The following CCDC122 variants were observed in gnomAD, a reference collection of about 807,000 sequenced individuals.
CCDC122 encodes coiled-coil domain containing 122.
CCDC122 carries 38 observed loss-of-function variants against 37.0 expected under a neutral mutation model. The ratio of observed to expected loss-of-function variants is 1.03; its 90% CI spans 0.79 to 1.35. CCDC122 has a LOEUF of 1.35. Among genes scored for constraint, CCDC122 ranks in the 40% most tolerant of loss-of-function variants. CCDC122 has a pLI of 0.00. For synonymous variants in CCDC122, 83 were observed against 95.6 expected (o/e 0.87, Z 0.77); for missense variants, 305 against 310.0 (o/e 0.98, Z 0.12).
At chr13:43,833,432 G>A (rs1032088899), downstream of CCDC122, among the ~76,000 whole-genome samples, 11 of 152,190 alleles carry the variant, frequency 7.2e-5, no homozygotes, top group African/African-American at 2.4e-4. Flanking sequence ...CTTTGCAGAA[G>A]ACTCAGTATT....
At chr13:43,821,319 G>C (rs1226319061), downstream of CCDC122, among the ~76,000 whole-genome samples, 2 of 152,202 alleles carry the variant, frequency 1.3e-5, no homozygotes, top group Non-Finnish European at 2.9e-5. Context: ...CACCTCCCAA[G>C]TTTAAGCTGT....
At chr13:43,871,348 T>C (rs1185203367) in intron 2 of CCDC122, among the ~76,000 whole-genome samples, 2 of 151,780 alleles carry the variant, frequency 1.3e-5, no homozygotes, top group South Asian at 2.1e-4. Flanking sequence ...ATCCAATGAG[T>C]TCTTCATGCT....
intron 6 of CCDC122, among the ~76,000 whole-genome samples, chr13:43,841,689 T>A (rs1015795481): frequency 1.3e-5 from 2 of 152,176 alleles, no homozygotes; most frequent in Non-Finnish European, 2.9e-5. Flanking sequence ...TTTACTTTTG[T>A]GATTCTGTCT....
chr13:43,838,478 T>C (rs1953235877), intron 6 of CCDC122, among the ~76,000 whole-genome samples: 1 of 152,116 alleles, frequency 6.6e-6, no homozygotes, highest in Admixed American at 6.6e-5. Flanking sequence ...GAACACCCAA[T>C]CTTCTTAAAA....
chr13:43,846,576 T>G (rs1031349131), intron 6 of CCDC122, among the ~76,000 whole-genome samples: 2 of 152,214 alleles, frequency 1.3e-5, no homozygotes, highest in Non-Finnish European at 2.9e-5. Context: ...TGTCCTTAGA[T>G]CTAGGTCTTG....
In CCDC122 at chr13:43,824,370, C is replaced by T. The variant is rs146056074; in HGVS notation, n.602-359G>A. ...TATGCCACATAAGTTGTGATAGAAA[C>T]GGAACTCCTACCTTTCACTACATAC... On this transcript the variant is annotated intron_variant and non_coding_transcript_variant, in intron 3 of 3. Coordinates refer to the CCDC122 transcript ENST00000470137. Among the ~76,000 whole-genome samples the T allele has an allele frequency of 1.1e-4, 16 of 152,230 alleles. No homozygotes were observed. In the East Asian group the frequency reaches 2.1e-3, roughly 20 times the overall value.
At chr13:43,820,838 G>T (rs1236912993), downstream of CCDC122, among the ~76,000 whole-genome samples, 1 of 152,136 alleles carries the variant, frequency 6.6e-6, no homozygotes, top group East Asian at 1.9e-4. Context: ...CACAGTAAAG[G>T]TCCAGTACAC....
intron 3 of CCDC122, among the ~76,000 whole-genome samples, chr13:43,828,794 G>T (rs2097139964): frequency 6.6e-6 from 1 of 152,064 alleles, no homozygotes; most frequent in Admixed American, 6.6e-5. Flanking sequence ...AATAAATTTA[G>T]TTCTTTAAAA....
chr13:43,874,747 GAC>G lies in CCDC122; in HGVS notation c.-114+93_-114+94del, dbSNP rs1181044848. On this transcript the variant is annotated intron_variant, in intron 2 of 6. Coordinates refer to ENST00000444614, the MANE Select transcript of CCDC122 (RefSeq NM_144974.5). ...ATAAATTAAGGAAACAGGCTTTAGA[GAC>G]AACTCTTTTCAAACATGTTTTTAAG... The G allele has an allele frequency of 2.0e-5, 3 of 152,184 alleles. No homozygotes were observed. In the South Asian group the frequency reaches 6.2e-4, roughly 32 times the overall value. The allele number at this position is 152,184 out of a possible 1,614,324, so 9.4% of individuals were successfully genotyped here.
chr13:43,833,173 C>T (rs1280143522), downstream of CCDC122, among the ~76,000 whole-genome samples: 1 of 152,118 alleles, frequency 6.6e-6, no homozygotes, highest in African/African-American at 2.4e-5. Context: ...CATTGGTCAA[C>T]TATAATTTGT....
In CCDC122 at chr13:43,858,885, T is replaced by G. The variant is rs1202468711; in HGVS notation, c.568A>C (p.Asn190His). 2.9e-6 allele frequency: 4 copies of G among 1,402,112 alleles called. No homozygotes were observed. The highest frequency in any genetic ancestry group is 3.8e-6 in the Non-Finnish European group (4 of 1,044,908). The allele number at this position is 1,402,112 out of a possible 1,614,324, so 86.9% of individuals were successfully genotyped here. A position where few individuals can be genotyped will look rare whatever the true frequency, so the allele number is the denominator to read the frequency against. The change falls in exon 6 of 7, where the codon AAC (asparagine) becomes CAC (histidine). Residue 190 changes from asparagine (N) to histidine (H), a missense_variant. Transcript: ENST00000444614. ...RITQVQEDITNLKDKIITVKE... is the reference protein window; with the variant it reads ...RITQVQEDITHLKDKIITVKE... ...ACAGTTATAATTTTATCCTTTAAGT[T>G]TGTAATGTCTTCCTGTATGTTGACA...
At chr13:43,855,362 G>GA (rs1566947358) in intron 6 of CCDC122, 2,261 of 90,212 alleles carry the variant, frequency 0.025, 55 homozygotes, top group African/African-American at 0.093. Flanking sequence ...ATTCACAGTT[G>GA]CCACACACAC....
At chr13:43,843,753 C>T (rs183234769) in intron 6 of CCDC122, among the ~76,000 whole-genome samples, 1 of 151,740 alleles carries the variant, frequency 6.6e-6, no homozygotes, top group Non-Finnish European at 1.5e-5. Context: ...CTACCTCACA[C>T]CATTCATAAA....
intron 2 of CCDC122, among the ~76,000 whole-genome samples, chr13:43,873,713 T>G (rs183187037): frequency 6.6e-6 from 1 of 152,188 alleles, no homozygotes; most frequent in Non-Finnish European, 1.5e-5. Context: ...ACCTTTAAAT[T>G]ATACTGGAAT....
chr13:43,856,204 G>C (rs1241623770), intron 6 of CCDC122: 1 of 152,210 alleles, frequency 6.6e-6, no homozygotes, highest in Non-Finnish European at 1.5e-5. Context: ...TGGAGGGTGA[G>C]AGGAGGGAAA....
At chr13:43,863,811 G>A (rs1475920413) in intron 4 of CCDC122, among the ~76,000 whole-genome samples, 5 of 152,052 alleles carry the variant, frequency 3.3e-5, no homozygotes. Flanking sequence ...GCCCCACCAA[G>A]AATACCTTAG....
chr13:43,873,388 A>G (rs1478793344), intron 2 of CCDC122, among the ~76,000 whole-genome samples: 1 of 152,154 alleles, frequency 6.6e-6, no homozygotes, highest in Non-Finnish European at 1.5e-5. Flanking sequence ...TATTACCACC[A>G]TTAAACCTGC....
chr13:43,864,535 G>C (rs1296659959), intron 4 of CCDC122, among the ~76,000 whole-genome samples: 3 of 152,142 alleles, frequency 2.0e-5, no homozygotes, highest in Non-Finnish European at 4.4e-5. Context: ...AAGAAAGCAA[G>C]AGAGGGAGCC....
intron 6 of CCDC122, chr13:43,848,729 T>A (rs1953627299): frequency 3.7e-6 from 2 of 541,100 alleles, no homozygotes; most frequent in Non-Finnish European, 4.7e-6. Context: ...ACATTTTTTA[T>A]TTTTATGAAC....
Sources: gnomAD v4.1 joint callset for allele counts (sites outside exome capture counted in the v4.1 genomes callset) on GRCh38, gnomAD v4.1.1 for gene constraint, MANE v1.5 for transcripts, NCBI Gene and HGNC (gene_info 2026-07-23, HGNC 2026-07-21) for gene names.